ZC4H2: variants seen among roughly 807,000 people sequenced by gnomAD.
ZC4H2 encodes zinc finger C4H2-type containing.
For missense variants in ZC4H2, 137 were observed against 173.9 expected (o/e 0.79, Z 1.19); for synonymous variants, 84 against 66.3 (o/e 1.27, Z -1.30).
chrX:64,919,287 C>A (rs1421687765), intron 3 of ZC4H2, 83 bp from the exon 4 acceptor site: 13 of 1,095,290 alleles, frequency 1.2e-5, no homozygotes, highest in South Asian at 7.9e-5. Flanking sequence ...GCCATACAAC[C>A]AAGGGTTGAG....
rs1932716602 is a variant in ZC4H2 at position 65,009,099 on chromosome X, T to C, written c.-272+25530A>G. On this transcript the variant is annotated intron_variant, in intron 1 of 4. Coordinates refer to the ZC4H2 transcript ENST00000337990. ...ACTCCATAAATATGTACAACTATTA[T>C]GTATCCATAATAATTTACAATATTT... Among the ~76,000 whole-genome samples, 7 of 112,254 alleles carry C rather than the reference T, an allele frequency of 6.2e-5. No individual in the cohort carries two copies. The South Asian group carries it at 2.6e-3, about 42-fold the overall frequency.
At chrX:65,017,297 T>C (rs1221067520) in intron 1 of ZC4H2, among the ~76,000 whole-genome samples, 1 of 112,097 alleles carries the variant, frequency 8.9e-6, no homozygotes, top group Non-Finnish European at 1.9e-5. Context: ...GGACCAAAGC[T>C]GCACAACAGT....
intron 1 of ZC4H2, among the ~76,000 whole-genome samples, chrX:64,982,947 T>C (rs902600430): frequency 7.1e-5 from 8 of 112,469 alleles, no homozygotes; most frequent in Non-Finnish European, 1.1e-4. Context: ...TGCCTATGAA[T>C]GAAACATCTG....
intron 1 of ZC4H2, among the ~76,000 whole-genome samples, chrX:64,938,125 T>C (rs1930098734): frequency 9.0e-6 from 1 of 111,671 alleles, no homozygotes; most frequent in Non-Finnish European, 1.9e-5. Flanking sequence ...CCCACAGAAA[T>C]ACAAACTATC....
intron 1 of ZC4H2, among the ~76,000 whole-genome samples, chrX:65,003,345 C>A (rs1932587924): frequency 9.0e-6 from 1 of 111,290 alleles, no homozygotes; most frequent in South Asian, 3.7e-4. Context: ...GATCTAAAAT[C>A]AAACACTAAC....
intron 1 of ZC4H2, among the ~76,000 whole-genome samples, chrX:64,952,284 G>A (rs1930886142): frequency 9.2e-6 from 1 of 109,042 alleles, no homozygotes; most frequent in Non-Finnish European, 1.9e-5. Context: ...GGCAATGCAG[G>A]CTCTTTTTTG....
chrX:65,034,045 C>T (rs994384951), intron 1 of ZC4H2, among the ~76,000 whole-genome samples: 1 of 103,582 alleles, frequency 9.7e-6, no homozygotes, highest in African/African-American at 3.6e-5. Flanking sequence ...GCTGAGATGG[C>T]GCCACTGCAC....
chrX:65,022,732 C>T (rs1019893696), intron 1 of ZC4H2, among the ~76,000 whole-genome samples: 9 of 111,803 alleles, frequency 8.0e-5, no homozygotes, highest in African/African-American at 2.9e-4. Context: ...AGGAATACAA[C>T]TTAAAAGGGA....
chrX:64,919,093 C>T lies in ZC4H2; in HGVS notation c.510G>A (p.Lys170=), dbSNP rs202152105. 22 of 1,195,319 alleles carry T rather than the reference C, an allele frequency of 1.8e-5. No individual in the cohort carries two copies. The East Asian group carries it at 6.3e-4, about 34-fold the overall frequency. ...AGGTGGCCGTCTGCCGAGTATCCTG[C>T]TTCCTAGCCACTTGGAGCTGTTGGG... The part of the protein sequence containing the change: ...AAAQQLQVAR[K]QDTRQTATFR... The change falls in exon 4 of 5, where the codon AAG becomes AAA. Residue 170 remains lysine (K), a synonymous_variant. Coordinates refer to ENST00000374839, the MANE Select transcript of ZC4H2 (RefSeq NM_018684.4).
At chrX:64,924,939 C>G (rs967773232) in intron 1 of ZC4H2, among the ~76,000 whole-genome samples, 1 of 111,121 alleles carries the variant, frequency 9.0e-6, no homozygotes, top group Non-Finnish European at 1.9e-5. Flanking sequence ...GGAAGAGTGA[C>G]GTTATCTGAT....
chrX:65,030,290 G>C (rs2147297910), intron 1 of ZC4H2, among the ~76,000 whole-genome samples: 1 of 109,531 alleles, frequency 9.1e-6, no homozygotes, highest in South Asian at 4.1e-4. Context: ...GCTAATTTTT[G>C]TATTTTTTTT....
At chrX:64,991,001 C>G (rs1223620383) in intron 1 of ZC4H2, among the ~76,000 whole-genome samples, 2 of 111,902 alleles carry the variant, frequency 1.8e-5, no homozygotes, top group Non-Finnish European at 3.8e-5. Context: ...TGAAAGGATC[C>G]TAGACCAGGC....
At chrX:64,921,689 T>G in intron 2 of ZC4H2, 128 bp downstream of exon 2, 2 of 725,767 alleles carry the variant, frequency 2.8e-6, no homozygotes, top group Non-Finnish European at 3.9e-6. Context: ...ATTCTTCTGC[T>G]CTACCACAGC....
chrX:64,977,294 TAG>T (rs764361563), upstream of ZC4H2, among the ~76,000 whole-genome samples: 27 of 110,457 alleles, frequency 2.4e-4, no homozygotes, highest in East Asian at 4.3e-3. Context: ...GAGGATACAA[TAG>T]AGAGAGAAAG....
At chrX:64,923,219 C>T (rs1441958113) in intron 1 of ZC4H2, among the ~76,000 whole-genome samples, 2 of 111,774 alleles carry the variant, frequency 1.8e-5, no homozygotes, top group Admixed American at 1.9e-4. Flanking sequence ...TCAAAACATA[C>T]ATGGATGTGA....
chrX:65,018,342 T>C (rs751285181), intron 1 of ZC4H2, among the ~76,000 whole-genome samples: 14 of 112,252 alleles, frequency 1.2e-4, no homozygotes, highest in Non-Finnish European at 2.3e-4. Context: ...GTTCATCTCA[T>C]TGTGACTGGT....
chrX:64,976,199 G>C (rs755647347), intron 1 of ZC4H2, 126 bp downstream of exon 1: 703 of 759,463 alleles, frequency 9.3e-4, no homozygotes, highest in Non-Finnish European at 1.2e-3. Flanking sequence ...TCACCTCTCC[G>C]GCAAGTCTGT....
Position 65,034,108 on chromosome X carries a change from T to A in ZC4H2, c.-272+521A>T, listed in dbSNP as rs909041118. 1.2e-4 allele frequency among the ~76,000 whole-genome samples: 13 copies of A among 105,489 alleles called. No homozygotes were observed. The East Asian group carries it at 1.8e-3, about 15-fold the overall frequency. The allele number at this position is 105,489 out of a possible 115,157, so 91.6% of individuals were successfully genotyped here. On this transcript the variant is annotated intron_variant, in intron 1 of 4. Coordinates refer to the ZC4H2 transcript ENST00000337990. The stretch of plus-strand genomic sequence containing the variant: ...TGTCAAAAAAAAAAAAAAAAAAAAA[T>A]TCCTAGTTCAAGGAAACAGAGCTAC...
intron 1 of ZC4H2, among the ~76,000 whole-genome samples, chrX:64,955,569 G>T (rs1215321435): frequency 9.0e-6 from 1 of 111,566 alleles, no homozygotes; most frequent in Non-Finnish European, 1.9e-5. Flanking sequence ...ACCCAGTGAA[G>T]CCCTTAAAGT....
Sources: allele counts gnomAD v4.1 joint callset (sites outside exome capture counted in the v4.1 genomes callset), GRCh38; gene constraint gnomAD v4.1.1; transcripts MANE v1.5; gene names NCBI Gene and HGNC (gene_info 2026-07-23, HGNC 2026-07-21).